ANO6: variants seen among roughly 807,000 people sequenced by gnomAD.
The protein encoded by ANO6 is anoctamin 6.
ANO6 carries 106 observed loss-of-function variants against 117.5 expected under a neutral mutation model. That is an observed-to-expected ratio of 0.90 (90% CI 0.77 to 1.06). The LOEUF (loss-of-function observed/expected upper bound fraction) is 1.06, where lower values mean the gene tolerates loss of function less well. Among genes scored for constraint, ANO6 ranks in the 50% least tolerant of loss-of-function variants. The pLI, the probability that ANO6 is intolerant of heterozygous loss-of-function variation, is 0.00. For missense variants in ANO6, 955 were observed against 1,121.1 expected, an observed-to-expected ratio of 0.85 and a Z score of 2.12; for synonymous variants, 367 against 385.1, an observed-to-expected ratio of 0.95 and a Z score of 0.55.
At chr12:45,371,450 G>T (rs4319573) in intron 9 of ANO6, among the ~76,000 whole-genome samples, 16,174 of 151,470 alleles carry the variant, frequency 0.11, 1,241 homozygotes, top group East Asian at 0.45. Flanking sequence ...TCTGCAGACT[G>T]AAATGTCCCT....
At chr12:45,294,666 A>G (rs1464470814) in intron 1 of ANO6, among the ~76,000 whole-genome samples, 1 of 152,228 alleles carries the variant, frequency 6.6e-6, no homozygotes, top group Non-Finnish European at 1.5e-5. Context: ...TGGGTAAGAG[A>G]CTGATCCATC....
chr12:45,299,330 G>C (rs1361879113), intron 1 of ANO6, among the ~76,000 whole-genome samples: 1 of 152,176 alleles, frequency 6.6e-6, no homozygotes, highest in East Asian at 1.9e-4. Context: ...GGAGTTCTCA[G>C]AGGCAAGCAC....
chr12:45,353,471 T>G (rs924425151), intron 7 of ANO6, among the ~76,000 whole-genome samples: 1 of 152,122 alleles, frequency 6.6e-6, no homozygotes, highest in African/African-American at 2.4e-5. Context: ...GCTCTTTTAT[T>G]TTTTTTGCTT....
intron 3 of ANO6, among the ~76,000 whole-genome samples, chr12:45,345,817 G>A (rs1013453848): frequency 6.6e-6 from 1 of 152,130 alleles, no homozygotes; most frequent in Non-Finnish European, 1.5e-5. Flanking sequence ...TTGTGCTGCT[G>A]TAACAGAATT....
At chr12:45,359,614 T>C (rs1365516954) in intron 8 of ANO6, among the ~76,000 whole-genome samples, 1 of 149,644 alleles carries the variant, frequency 6.7e-6, no homozygotes, top group East Asian at 1.9e-4. Flanking sequence ...TGTTGTAGCA[T>C]GTATCAGTAC....
chr12:45,418,491 A>T (rs1380575434), intron 17 of ANO6, among the ~76,000 whole-genome samples: 2 of 152,232 alleles, frequency 1.3e-5, no homozygotes, highest in Non-Finnish European at 2.9e-5. Flanking sequence ...AATATGCTCT[A>T]GTACACTAAG....
At chr12:45,390,849 C>T (rs541284334) in intron 12 of ANO6, among the ~76,000 whole-genome samples, 3 of 152,114 alleles carry the variant, frequency 2.0e-5, no homozygotes, top group East Asian at 1.9e-4. Context: ...TGGCCAGGGG[C>T]GGTGGCTCAT....
downstream of ANO6, among the ~76,000 whole-genome samples, chr12:45,433,192 C>A (rs1040291191): frequency 5.3e-5 from 8 of 152,238 alleles, no homozygotes; most frequent in African/African-American, 1.9e-4. Flanking sequence ...CAGCTTCCCA[C>A]ATCAGTGGCC....
chr12:45,424,491 C>T (rs1292638173), intron 19 of ANO6, among the ~76,000 whole-genome samples: 1 of 151,902 alleles, frequency 6.6e-6, no homozygotes, highest in African/African-American at 2.4e-5. Context: ...GTGCACACTA[C>T]CACACCTGGC....
intron 2 of ANO6, among the ~76,000 whole-genome samples, chr12:45,317,107 T>TTATGTGTGTGTGTGTATATATATA (rs1185224135): frequency 4.8e-4 from 6 of 12,460 alleles, no homozygotes; most frequent in African/African-American, 5.4e-4. Flanking sequence ...TGGATTCTTT[T>TTATGTGTGTGTGTGTATATATATA]TATATGTATA....
At chr12:45,287,285 G>A (rs1245755410) in intron 1 of ANO6, among the ~76,000 whole-genome samples, 2 of 152,138 alleles carry the variant, frequency 1.3e-5, no homozygotes, top group Non-Finnish European at 2.9e-5. Context: ...TAATATAGTG[G>A]TTAAAAGCAT....
chr12:45,432,169 T>C lies in ANO6; in HGVS notation c.*2858T>C. ...AGAGGGTAAAAATGTATGAGCAGCT[T>C]AACTGAAGTAGAACTATTCATGATG... On this transcript the variant is annotated 3_prime_UTR_variant, in exon 20 of 20. Transcript: ENST00000320560. 1.0e-6 allele frequency: 1 copy of C among 985,244 alleles called. No individual in the cohort carries two copies. The highest frequency in any genetic ancestry group is 1.2e-6 in the Non-Finnish European group (1 of 829,768). The allele number at this position is 985,244 out of a possible 1,614,324, so 61.0% of individuals were successfully genotyped here.
chr12:45,430,918 T>C lies in ANO6; in HGVS notation c.*1607T>C, dbSNP rs992965690. On this transcript the variant is annotated 3_prime_UTR_variant, in exon 20 of 20. Transcript: ENST00000320560. ...TGCTGCATGGGCTTCACTGGGATGC[T>C]GTTAAACACCAGAGGAGCCAACCTA... 1.2e-5 allele frequency: 12 copies of C among 985,276 alleles called. No homozygotes were observed. Among genetic ancestry groups the C allele is most frequent in the Admixed American group, 6.2e-5 (1 of 16,258 alleles). 61.0% of individuals were successfully genotyped at this position (985,276 alleles called of 1,614,324 possible).
At chr12:45,227,052 GATCTTGGCTCACTGAA>G (rs1947494132) in intron 1 of ANO6, among the ~76,000 whole-genome samples, 1 of 143,182 alleles carries the variant, frequency 7.0e-6, no homozygotes, top group African/African-American at 2.6e-5. Context: ...GCAGTGGCAC[GATCTTGGCTCACTGAA>G]ACCTCTGCCT....
At chr12:45,239,936 C>G (rs1352786091) in intron 1 of ANO6, among the ~76,000 whole-genome samples, 2 of 152,160 alleles carry the variant, frequency 1.3e-5, no homozygotes, top group Non-Finnish European at 2.9e-5. Flanking sequence ...GAGTGCTTTA[C>G]TTCCAATTAT....
chr12:45,317,113 G>GTGTGTGTATACATATATATATATA, intron 2 of ANO6, among the ~76,000 whole-genome samples: 1 of 66,448 alleles, frequency 1.5e-5, no homozygotes, highest in Non-Finnish European at 3.7e-5. Flanking sequence ...CTTTTTATAT[G>GTGTGTGTATACATATATATATATA]TATATATATA....
At chr12:45,421,513 AG>A (rs1396341862) in intron 18 of ANO6, among the ~76,000 whole-genome samples, 1 of 152,208 alleles carries the variant, frequency 6.6e-6, no homozygotes, top group Non-Finnish European at 1.5e-5. Flanking sequence ...AATGAAGACT[AG>A]GGGTAAAACT....
chr12:45,351,635 G>C (rs1453950219), intron 7 of ANO6, among the ~76,000 whole-genome samples: 1 of 152,146 alleles, frequency 6.6e-6, no homozygotes, highest in Non-Finnish European at 1.5e-5. Flanking sequence ...ATAGTGAAGA[G>C]GAGCCAGTGC....
At chr12:45,293,760 T>A (rs7975762) in intron 1 of ANO6, among the ~76,000 whole-genome samples, 3 of 139,534 alleles carry the variant, frequency 2.2e-5, no homozygotes, top group Non-Finnish European at 3.1e-5. Context: ...TTTTTTTGTA[T>A]TTTTAGTAGA....
Sources: allele counts gnomAD v4.1 joint callset (sites outside exome capture counted in the v4.1 genomes callset), GRCh38; gene constraint gnomAD v4.1.1; transcripts MANE v1.5; gene names NCBI Gene and HGNC (gene_info 2026-07-23, HGNC 2026-07-21).